Variants in CWH43 observed in about 807,000 individuals in gnomAD.
CWH43 encodes the protein cell wall biogenesis 43 C-terminal homolog, also known as PGAP2-interacting protein.
CWH43 carries 91 observed loss-of-function variants against 85.7 expected under a neutral mutation model. The observed-to-expected ratio is 1.06, with a 90% confidence interval of 0.90 to 1.26. CWH43 has a LOEUF of 1.26. CWH43 is among the 50% of genes most tolerant of loss of function. CWH43 has a pLI of 0.00. For synonymous variants in CWH43, 323 were observed against 293.6 expected (o/e 1.10, Z -1.02); for missense variants, 869 against 839.2 (o/e 1.04, Z -0.44).
intron 10 of CWH43, among the ~76,000 whole-genome samples, chr4:49,029,256 T>C (rs1784013978): frequency 2.0e-5 from 3 of 152,206 alleles, no homozygotes; most frequent in Admixed American, 1.3e-4. Flanking sequence ...CACAGAAACA[T>C]GTGCTGTATG....
chr4:49,017,192 AATTTATTTTATTTT>A, intron 8 of CWH43, 43 bp from the exon 9 acceptor site: 1 of 1,473,704 alleles, frequency 6.8e-7, no homozygotes, highest in Non-Finnish European at 9.3e-7. Context: ...AGTGTCAGCA[AATTTATTTTATTTT>A]ATTTATTTTA....
intron 7 of CWH43, among the ~76,000 whole-genome samples, chr4:49,004,435 C>T (rs1783091396): frequency 6.6e-6 from 1 of 152,172 alleles, no homozygotes; most frequent in Non-Finnish European, 1.5e-5. Context: ...TGAGGTCTTA[C>T]TCTGGCAGTG....
chr4:49,031,517 G>A (rs1188167595), intron 11 of CWH43, among the ~76,000 whole-genome samples: 1 of 149,660 alleles, frequency 6.7e-6, no homozygotes, highest in Non-Finnish European at 1.5e-5. Flanking sequence ...AGCATGGGGG[G>A]CCAAAGAGCA....
intron 15 of CWH43, among the ~76,000 whole-genome samples, chr4:49,059,333 C>A (rs1193931398): frequency 6.6e-6 from 1 of 152,030 alleles, no homozygotes; most frequent in Non-Finnish European, 1.5e-5. Flanking sequence ...CTTTATTGAA[C>A]TTTTCATTCT....
Position 49,061,911 on chromosome 4 carries a change from A to T in CWH43, c.*21A>T. On this transcript the variant is annotated 3_prime_UTR_variant, in exon 16 of 16. Coordinates refer to ENST00000226432, the MANE Select transcript of CWH43 (RefSeq NM_025087.3). Reference sequence around the variant, plus strand: ...TATGAAACATTTAAAACAAGAAGTTATTGGCTGGGAAAATCTAAGAAAAAA... The same window carrying T: ...TATGAAACATTTAAAACAAGAAGTTTTTGGCTGGGAAAATCTAAGAAAAAA... 7.5e-7 allele frequency: 1 copy of T among 1,325,650 alleles called. No individual in the cohort carries two copies. The highest frequency in any genetic ancestry group is 1.0e-6 in the Non-Finnish European group (1 of 1,001,590). The allele number at this position is 1,325,650 out of a possible 1,614,324, so 82.1% of individuals were successfully genotyped here. A position where few individuals can be genotyped will look rare whatever the true frequency, so the allele number is the denominator to read the frequency against.
At chr4:49,011,426 A>G (rs566215595) in intron 8 of CWH43, among the ~76,000 whole-genome samples, 52 of 152,166 alleles carry the variant, frequency 3.4e-4, no homozygotes, top group African/African-American at 1.2e-3. Flanking sequence ...TGACTATCCA[A>G]TTTGCCAGTC....
Position 48,991,455 on chromosome 4 carries a change from C to A in CWH43, c.237C>A (p.Gly79=). The change falls in exon 3 of 16, where the codon GGC becomes GGA. Residue 79 remains glycine (G), a splice_region_variant and synonymous_variant. Transcript: ENST00000226432. ...MLTLLRIITI[G]SIASFQAPNA... is the part of the protein sequence containing the mutation. ...TAGCTCTCCCTATTTTGTTTGTAGG[C>A]AGCATAGCCTCCTTCCAGGCTCCAA... 6.2e-7 allele frequency: 1 copy of A among 1,613,936 alleles called. No homozygotes were observed. The highest frequency in any genetic ancestry group is 8.5e-7 in the Non-Finnish European group (1 of 1,179,936).
intron 1 of CWH43, among the ~76,000 whole-genome samples, chr4:48,988,000 G>A (rs534018911): frequency 2.0e-5 from 3 of 152,224 alleles, no homozygotes; most frequent in South Asian, 2.1e-4. Flanking sequence ...AACTCAGATG[G>A]TCCAAATGAA....
At chr4:49,032,794 C>A in intron 12 of CWH43, 79 bp downstream of exon 12, 23 of 1,517,900 alleles carry the variant, frequency 1.5e-5, no homozygotes, top group Non-Finnish European at 2.1e-5. Context: ...TCTATGAAAT[C>A]ACCTTTCTCA....
At chr4:48,997,150 G>T (rs1331518796) in intron 5 of CWH43, among the ~76,000 whole-genome samples, 6 of 151,924 alleles carry the variant, frequency 3.9e-5, no homozygotes, top group Non-Finnish European at 7.4e-5. Context: ...ACCAGCTTGA[G>T]AAATGTTGCA....
At chr4:48,989,158 C>T (rs150458711) in intron 2 of CWH43, among the ~76,000 whole-genome samples, 3 of 152,206 alleles carry the variant, frequency 2.0e-5, no homozygotes, top group African/African-American at 7.2e-5. Context: ...TAAAAAGAGA[C>T]CAACAAATCA....
At chr4:49,004,438 T>G (rs1354307591) in intron 7 of CWH43, among the ~76,000 whole-genome samples, 1 of 152,216 alleles carries the variant, frequency 6.6e-6, no homozygotes, top group East Asian at 1.9e-4. Flanking sequence ...GGTCTTACTC[T>G]GGCAGTGATG....
intron 1 of CWH43, among the ~76,000 whole-genome samples, 185 bp from the exon 2 acceptor site, chr4:48,988,292 G>A (rs574391483): frequency 1.3e-5 from 2 of 152,194 alleles, no homozygotes; most frequent in African/African-American, 2.4e-5. Flanking sequence ...TGAGTTCTGC[G>A]GATCCCTACA....
chr4:49,029,034 A>G (rs1279582202), intron 10 of CWH43, among the ~76,000 whole-genome samples: 1 of 152,162 alleles, frequency 6.6e-6, no homozygotes, highest in African/African-American at 2.4e-5. Flanking sequence ...TGCCTCTGCT[A>G]GTAGCTTCTG....
rs540958559 is a variant in CWH43 at position 49,051,059 on chromosome 4, T to A, written c.2021+210T>A. On this transcript the variant is annotated intron_variant, in intron 15 of 15. Coordinates refer to ENST00000226432, the MANE Select transcript of CWH43 (RefSeq NM_025087.3). ...CAAGAAATATGTTGTAACCTCAGGT[T>A]AAAAAAGTTCACAGCATCATCATCA... is the stretch of plus-strand genomic sequence containing the variant. Among the ~76,000 whole-genome samples the A allele has an allele frequency of 1.5e-3, 229 of 152,240 alleles. 1 individual carries two copies. Among genetic ancestry groups the A allele is most frequent in the African/African-American group, 5.4e-3 (223 of 41,546 alleles).
intron 10 of CWH43, 78 bp downstream of exon 10, chr4:49,028,812 T>A: frequency 1.1e-6 from 1 of 899,588 alleles, no homozygotes; most frequent in Non-Finnish European, 1.8e-6. Flanking sequence ...TCATAAGCCA[T>A]AACTTAATGC....
At chr4:49,041,060 G>T (rs1422750508) in intron 13 of CWH43, among the ~76,000 whole-genome samples, 2 of 152,098 alleles carry the variant, frequency 1.3e-5, no homozygotes, top group Non-Finnish European at 2.9e-5. Context: ...TTGTAAATAT[G>T]TGGCATTATT....
chr4:48,999,809 C>T (rs554810226), intron 6 of CWH43, among the ~76,000 whole-genome samples: 1 of 152,288 alleles, frequency 6.6e-6, no homozygotes, highest in East Asian at 1.9e-4. Flanking sequence ...CAGCCTTCCA[C>T]CCAGCTGTAG....
chr4:48,988,724 G>T, intron 2 of CWH43, 56 bp downstream of exon 2: 1 of 1,111,866 alleles, frequency 9.0e-7, no homozygotes. Flanking sequence ...AATCAAGTGA[G>T]ATTATGTAGA....
Sources: gnomAD v4.1 joint callset for allele counts (sites outside exome capture counted in the v4.1 genomes callset) on GRCh38, gnomAD v4.1.1 for gene constraint, MANE v1.5 for transcripts, NCBI Gene and HGNC (gene_info 2026-07-23, HGNC 2026-07-21) for gene names.